ANKRD30BL: variants seen among roughly 807,000 people sequenced by gnomAD.
ANKRD30BL encodes putative ankyrin repeat domain-containing protein 30B-like.
In ANKRD30BL, 20 loss-of-function variants were observed where a neutral mutation model predicts 18.4. The ratio of observed to expected loss-of-function variants is 1.09; its 90% CI spans 0.77 to 1.58. The LOEUF is 1.58. Ranked by LOEUF, ANKRD30BL falls within the 40% of genes most tolerant of loss-of-function variation. The probability of loss-of-function intolerance (pLI) is 0.00; values close to 1 mark genes in which losing one functional copy is unlikely to be tolerated. For synonymous variants in ANKRD30BL, 72 were observed against 100.9 expected (o/e 0.71, Z 1.72); for missense variants, 224 against 268.6 (o/e 0.83, Z 1.16).
chr2:132,246,833 T>A (rs1451535510), intron 1 of ANKRD30BL, among the ~76,000 whole-genome samples: 1 of 152,010 alleles, frequency 6.6e-6, no homozygotes, highest in African/African-American at 2.4e-5. Flanking sequence ...GCAGAAGAAT[T>A]CTCAGAAACT....
chr2:132,195,120 T>C (rs1171447187), intron 1 of ANKRD30BL, among the ~76,000 whole-genome samples: 1 of 151,980 alleles, frequency 6.6e-6, no homozygotes, highest in Non-Finnish European at 1.5e-5. Context: ...AGTAAGACAG[T>C]ATGTTGGAAA....
At chr2:132,252,792 G>A (rs896225743) in intron 1 of ANKRD30BL, among the ~76,000 whole-genome samples, 1 of 152,110 alleles carries the variant, frequency 6.6e-6, no homozygotes, top group Non-Finnish European at 1.5e-5. Flanking sequence ...CCCCGCCAGG[G>A]CCAATGAACC....
rs201438823 is a variant in ANKRD30BL, at chr2:132,233,084, A to T, written n.441+24445T>A. Among the ~76,000 whole-genome samples, 662 of 150,914 alleles carry T rather than the reference A, an allele frequency of 4.4e-3. 5 individuals carry two copies. The highest frequency in any genetic ancestry group is 0.012 in the African/African-American group (509 of 41,166). Reference sequence around the variant, plus strand: ...CCCAGAATTTCATATCCAGCCAAACAAAGCTTCATAAGTGAAGGAGAAATA... The same window carrying T: ...CCCAGAATTTCATATCCAGCCAAACTAAGCTTCATAAGTGAAGGAGAAATA... On this transcript the variant is annotated intron_variant and non_coding_transcript_variant, in intron 1 of 4. Coordinates refer to the ANKRD30BL transcript ENST00000470729.
intron 1 of ANKRD30BL, among the ~76,000 whole-genome samples, chr2:132,208,742 G>A (rs1318459993): frequency 4.6e-5 from 7 of 151,504 alleles, no homozygotes; most frequent in Non-Finnish European, 7.4e-5. Flanking sequence ...CCCTCAGATA[G>A]GATTCCAGTA....
At position 132,161,581 on chromosome 2, in the gene ANKRD30BL, A is replaced by G; in HGVS notation, c.125T>C (p.Ile42Thr). ...YVIHHGDLRKIHKAASRGQAW... is the reference protein window; with the variant it reads ...YVIHHGDLRKTHKAASRGQAW... ...TTGGCCCCGGGAGGCAGCTTTGTGGATCTTCCTGAGATCCCCATGGTGAAT... is the reference window on the plus strand; with the variant it reads ...TTGGCCCCGGGAGGCAGCTTTGTGGGTCTTCCTGAGATCCCCATGGTGAAT... The change falls in exon 1 of 6, where the codon ATC becomes ACC. Residue 42 changes from isoleucine to threonine, a missense_variant. Ile to Thr is a moderately conservative substitution (Grantham distance 89). Transcript: ENST00000409867. 6.9e-7 allele frequency: 1 copy of G among 1,456,336 alleles called. No homozygotes were observed. The highest frequency in any genetic ancestry group is 9.4e-7 in the Non-Finnish European group (1 of 1,063,122). The allele number at this position is 1,456,336 out of a possible 1,614,324, so 90.2% of individuals were successfully genotyped here. A position where few individuals can be genotyped will look rare whatever the true frequency, so the allele number is the denominator to read the frequency against.
At chr2:132,215,287 C>G (rs1053571343) in intron 1 of ANKRD30BL, among the ~76,000 whole-genome samples, 12 of 152,370 alleles carry the variant, frequency 7.9e-5, no homozygotes, top group African/African-American at 2.6e-4. Context: ...TGGAAACACT[C>G]TTTTTGTAGA....
At chr2:132,183,157 G>A (rs530596898) in intron 1 of ANKRD30BL, among the ~76,000 whole-genome samples, 3 of 144,824 alleles carry the variant, frequency 2.1e-5, no homozygotes, top group Non-Finnish European at 4.5e-5. Flanking sequence ...TTTTTTGAGA[G>A]TCTTGCTCTG....
chr2:132,199,942 C>A (rs895089162), intron 1 of ANKRD30BL, among the ~76,000 whole-genome samples: 17 of 152,230 alleles, frequency 1.1e-4, no homozygotes, highest in African/African-American at 3.6e-4. Context: ...AATCCAGCAG[C>A]ACATCAAAAA....
intron 1 of ANKRD30BL, among the ~76,000 whole-genome samples, chr2:132,194,759 A>G (rs561950257): frequency 6.6e-6 from 1 of 152,212 alleles, no homozygotes; most frequent in Non-Finnish European, 1.5e-5. Context: ...TTCAAGTCAT[A>G]TGATCAGATA....
chr2:132,198,097 T>C (rs1679001115), intron 1 of ANKRD30BL, among the ~76,000 whole-genome samples: 1 of 152,016 alleles, frequency 6.6e-6, no homozygotes, highest in Non-Finnish European at 1.5e-5. Flanking sequence ...TATACTAATG[T>C]AGTCATTTCT....
At chr2:132,246,810 C>T (rs35271346) in intron 1 of ANKRD30BL, among the ~76,000 whole-genome samples, 3,627 of 151,716 alleles carry the variant, frequency 0.024, 75 homozygotes, top group Middle Eastern at 0.045. Flanking sequence ...GAAATATCTT[C>T]CAATAAAACT....
intron 1 of ANKRD30BL, among the ~76,000 whole-genome samples, chr2:132,215,779 A>T (rs1679481896): frequency 6.6e-6 from 1 of 152,000 alleles, no homozygotes; most frequent in Non-Finnish European, 1.5e-5. Flanking sequence ...CTTTCCTTCG[A>T]TTGTGTAGTT....
At chr2:132,162,185 G>A (rs1375794114), upstream of ANKRD30BL, among the ~76,000 whole-genome samples, 2 of 152,090 alleles carry the variant, frequency 1.3e-5, no homozygotes, top group African/African-American at 4.8e-5. Flanking sequence ...CCTGGCGCTG[G>A]GCATCGTGCA....
chr2:132,249,668 C>A (rs79850137), intron 1 of ANKRD30BL, among the ~76,000 whole-genome samples: 9 of 150,754 alleles, frequency 6.0e-5, no homozygotes, highest in Non-Finnish European at 1.3e-4. Context: ...CATTGGCCTC[C>A]AAGTGCTTGC....
intron 1 of ANKRD30BL, among the ~76,000 whole-genome samples, chr2:132,195,619 C>A (rs1201535955): frequency 1.3e-5 from 2 of 150,734 alleles, no homozygotes; most frequent in African/African-American, 4.9e-5. Flanking sequence ...CGTGAAACCC[C>A]ATCTCTACTA....
intron 1 of ANKRD30BL, among the ~76,000 whole-genome samples, chr2:132,239,385 A>G (rs1680249631): frequency 6.6e-6 from 1 of 152,046 alleles, no homozygotes; most frequent in Admixed American, 6.6e-5. Context: ...CTTTTCATAG[A>G]GCAGTTTTGA....
chr2:132,148,848 T>G (rs1486885877), intron 5 of ANKRD30BL, among the ~76,000 whole-genome samples: 1 of 152,226 alleles, frequency 6.6e-6, no homozygotes, highest in Non-Finnish European at 1.5e-5. Context: ...AGAAAAATGC[T>G]AAGTACCTTA....
At chr2:132,221,188 G>C (rs1357695360) in intron 1 of ANKRD30BL, among the ~76,000 whole-genome samples, 1 of 143,250 alleles carries the variant, frequency 7.0e-6, no homozygotes, top group African/African-American at 2.9e-5. Flanking sequence ...CCGCGAGGGA[G>C]GTGGGGGGGG....
chr2:132,219,915 G>A (rs1573856956), intron 1 of ANKRD30BL, among the ~76,000 whole-genome samples: 8 of 152,058 alleles, frequency 5.3e-5, no homozygotes. Context: ...TTTTGATAGA[G>A]AAGGTTTGAA....
Sources: allele counts gnomAD v4.1 joint callset (sites outside exome capture counted in the v4.1 genomes callset), GRCh38; gene constraint gnomAD v4.1.1; transcripts MANE v1.5; gene names NCBI Gene and HGNC (gene_info 2026-07-23, HGNC 2026-07-21).